The following C7 variants were observed in gnomAD, a reference collection of about 807,000 sequenced individuals.
C7 encodes the protein complement component C7.
A neutral mutation model predicts 104.8 loss-of-function variants in C7; 83 were observed. The observed-to-expected ratio is 0.79, with a 90% CI of 0.66 to 0.95. The LOEUF is 0.95. Ranked by LOEUF, C7 falls within the 40% of genes least tolerant of loss-of-function variation. C7 has a pLI of 0.00. For synonymous variants in C7, 415 were observed against 360.6 expected, an observed-to-expected ratio of 1.15 and a Z score of -1.71; for missense variants, 1,070 against 1,011.2, an observed-to-expected ratio of 1.06 and a Z score of -0.79.
Position 40,959,598 on chromosome 5 carries a change from G to C in C7, c.1639G>C (p.Asp547His), listed in dbSNP as rs2111668746. The stretch of plus-strand genomic sequence containing the variant: ...AACGACAGAAAGCACACAATGCGAA[G>C]ATGAGGAGCTGGAGCACTTGAGGTA... The part of the protein sequence containing the change: ...GETTESTQCE[D>H]EELEHLRLLE... The change falls in exon 12 of 18, where the codon GAT becomes CAT. Residue 547 changes from aspartate to histidine, a missense_variant. Physicochemically the swap from Asp to His is moderately conservative, Grantham distance 81. Transcript: ENST00000313164. The C allele has an allele frequency of 1.2e-6, 2 of 1,602,952 alleles. No homozygotes were observed. The highest frequency in any genetic ancestry group is 2.2e-5 in the East Asian group (1 of 44,740).
chr5:40,981,305 TCAC>T (rs1740936729), intron 17 of C7, 84 bp from the exon 18 acceptor site: 1 of 1,281,378 alleles, frequency 7.8e-7, no homozygotes, highest in South Asian at 1.3e-5. Flanking sequence ...ACAGCTCTGA[TCAC>T]CACATTATTA....
intron 3 of C7, 113 bp from the exon 4 acceptor site, chr5:40,934,212 T>G: frequency 8.9e-7 from 1 of 1,126,910 alleles, no homozygotes; most frequent in Non-Finnish European, 1.2e-6. Context: ...CCAGACGTTG[T>G]TTTTCTAATT....
At chr5:40,973,463 G>A (rs1238058329) in intron 15 of C7, among the ~76,000 whole-genome samples, 1 of 152,170 alleles carries the variant, frequency 6.6e-6, no homozygotes, top group East Asian at 1.9e-4. Context: ...ATGGTGTGAG[G>A]TGAATTAGAT....
At chr5:40,980,740 G>A (rs773734343) in intron 17 of C7, among the ~76,000 whole-genome samples, 10 of 152,120 alleles carry the variant, frequency 6.6e-5, no homozygotes, top group African/African-American at 2.4e-4. Flanking sequence ...GCCTGTACCC[G>A]CTGGCACCTG....
rs1203189375 is a variant in C7, at chr5:40,983,712, A to G, written c.*2139A>G. Among the ~76,000 whole-genome samples, 1 of 152,184 alleles carries G rather than the reference A, an allele frequency of 6.6e-6. No homozygotes were observed. The highest frequency in any genetic ancestry group is 1.5e-5 in the Non-Finnish European group (1 of 68,040). ...ATTAAATTTTTAAAAATGTTTTGAA[A>G]CTTCCAAAATAAGTTCTTGAACACC... On this transcript the variant is annotated 3_prime_UTR_variant, in exon 18 of 18. Coordinates refer to ENST00000313164, the MANE Select transcript of C7 (RefSeq NM_000587.4).
intron 6 of C7, among the ~76,000 whole-genome samples, chr5:40,944,582 G>A (rs1480527160): frequency 2.0e-5 from 3 of 152,164 alleles, no homozygotes; most frequent in African/African-American, 7.2e-5. Flanking sequence ...ATAAATGAAT[G>A]ATTGTCTCTT....
chr5:40,944,018 A>G (rs1237979815), intron 6 of C7, among the ~76,000 whole-genome samples: 1 of 152,190 alleles, frequency 6.6e-6, no homozygotes, highest in African/African-American at 2.4e-5. Flanking sequence ...ATGTGACAAC[A>G]TGAATATTTT....
chr5:40,912,888 T>C (rs994861167), intron 1 of C7, among the ~76,000 whole-genome samples: 3 of 152,216 alleles, frequency 2.0e-5, no homozygotes, highest in African/African-American at 2.4e-5. Flanking sequence ...GGGCTTTCAG[T>C]GTATCTATCT....
chr5:40,968,600 A>ATATATAT (rs1274226802), intron 14 of C7, among the ~76,000 whole-genome samples: 20 of 25,470 alleles, frequency 7.9e-4, no homozygotes, highest in Non-Finnish European at 1.1e-3. Context: ...ATATATATAT[A>ATATATAT]TTTTTTTTTT....
At position 40,981,549 on chromosome 5, in the gene C7, G is replaced by T; in HGVS notation, c.2508G>T (p.Arg836Ser). The T allele has an allele frequency of 6.2e-7, 1 of 1,611,644 alleles. No homozygotes were observed. Residue 836 changes from arginine (R) to serine (S), a missense_variant, in exon 18 of 18, where the codon AGG (arginine) becomes AGT (serine). By Grantham distance (110) the Arg-to-Ser change is moderately radical. Coordinates refer to ENST00000313164, the MANE Select transcript of C7 (RefSeq NM_000587.4). ...AGAGCATCTCTGTCACCAGCATAAG[G>T]CCTTGTGCTGCGGAAACCCAGTAGG... is the stretch of plus-strand genomic sequence containing the variant. ...RGQSISVTSI[R>S]PCAAETQ is the part of the protein sequence containing the mutation.
chr5:40,930,352 T>C (rs1356032264), intron 2 of C7, among the ~76,000 whole-genome samples: 1 of 151,072 alleles, frequency 6.6e-6, no homozygotes, highest in African/African-American at 2.4e-5. Context: ...ATTATAGGCA[T>C]GCACCACCAC....
At position 40,945,339 on chromosome 5, in the gene C7, T is replaced by G; in HGVS notation, c.709T>G (p.Ser237Ala). ...SSSSSSRSYT[S>A]HTNEIHKGKS... ...ATCATCTTCTTCACGCAGTTATACTTCACATACCAATGAAATCCATAAAGG... is the reference window on the plus strand; with the variant it reads ...ATCATCTTCTTCACGCAGTTATACTGCACATACCAATGAAATCCATAAAGG... Residue 237 changes from serine (S) to alanine (A), a missense_variant, in exon 7 of 18, where the codon TCA (serine) becomes GCA (alanine). Transcript: ENST00000313164. The G allele has an allele frequency of 6.3e-7, 1 of 1,599,312 alleles. No individual in the cohort carries two copies. The highest frequency in any genetic ancestry group is 8.5e-7 in the Non-Finnish European group (1 of 1,175,696).
At chr5:40,971,696 C>A (rs1740700101) in intron 14 of C7, among the ~76,000 whole-genome samples, 2 of 152,146 alleles carry the variant, frequency 1.3e-5, no homozygotes, top group African/African-American at 4.8e-5. Context: ...CATAGGTTTT[C>A]TTCTAGGGTT....
At chr5:40,951,924 C>A (rs908381436) in intron 9 of C7, among the ~76,000 whole-genome samples, 1 of 152,130 alleles carries the variant, frequency 6.6e-6, no homozygotes, top group Non-Finnish European at 1.5e-5. Context: ...TGCCAGGAAT[C>A]GTTTTAGACA....
intron 9 of C7, among the ~76,000 whole-genome samples, chr5:40,953,980 T>C (rs751765114): frequency 3.1e-5 from 2 of 64,276 alleles, no homozygotes; most frequent in Admixed American, 1.8e-4. Flanking sequence ...TTTGGACAGT[T>C]ACAAGGAAAT....
rs745495845 is a variant in C7 at position 40,959,614 on chromosome 5, A to G, written c.1655A>G (p.His552Arg). The G allele has an allele frequency of 6.3e-7, 1 of 1,591,816 alleles. No individual in the cohort carries two copies. The highest frequency in any genetic ancestry group is 8.6e-7 in the Non-Finnish European group (1 of 1,169,172). Reference protein sequence around the residue: ...STQCEDEELEHLRLLEPHCFP... With the variant: ...STQCEDEELERLRLLEPHCFP... ...CAATGCGAAGATGAGGAGCTGGAGC[A>G]CTTGAGGTAATGGAGACCCGACCCC... Residue 552 changes from histidine to arginine, a missense_variant, in exon 12 of 18, where the codon CAC becomes CGC. His to Arg is a conservative substitution (Grantham distance 29). Coordinates refer to ENST00000313164, the MANE Select transcript of C7 (RefSeq NM_000587.4).
chr5:40,913,881 G>A (rs955784910), intron 1 of C7, among the ~76,000 whole-genome samples: 10 of 152,114 alleles, frequency 6.6e-5, no homozygotes, highest in East Asian at 3.9e-4. Context: ...GGGTTTTACC[G>A]TGTTAGTCAG....
intron 4 of C7, among the ~76,000 whole-genome samples, chr5:40,935,863 A>G (rs879561960): frequency 5.3e-5 from 8 of 152,224 alleles, no homozygotes; most frequent in Non-Finnish European, 1.0e-4. Flanking sequence ...TTTTATTCAT[A>G]TTCGTATCCT....
chr5:40,964,281 G>A (rs1186022228), intron 13 of C7, among the ~76,000 whole-genome samples: 1 of 151,874 alleles, frequency 6.6e-6, no homozygotes, highest in Admixed American at 6.6e-5. Context: ...GATCTCAGGT[G>A]ATCCACCTGC....
Sources: allele counts gnomAD v4.1 joint callset (sites outside exome capture counted in the v4.1 genomes callset), GRCh38; gene constraint gnomAD v4.1.1; transcripts MANE v1.5; gene names NCBI Gene and HGNC (gene_info 2026-07-23, HGNC 2026-07-21).